TVP23B: variants seen among roughly 807,000 people sequenced by gnomAD.
TVP23B encodes trans-golgi network vesicle protein 23 homolog B.
A neutral mutation model predicts 30.6 loss-of-function variants in TVP23B; 10 were observed. That is an observed-to-expected ratio of 0.33 (90% CI 0.20 to 0.55). TVP23B has a LOEUF of 0.55. Ranked by LOEUF, TVP23B falls within the 20% of genes least tolerant of loss-of-function variation. The pLI is 0.91. For synonymous variants in TVP23B, 67 were observed against 83.1 expected (o/e 0.81, Z 1.06); for missense variants, 153 against 243.2 (o/e 0.63, Z 2.47).
Position 18,791,063 on chromosome 17 carries a change from T to A in TVP23B, c.240+23T>A, listed in dbSNP as rs779763962. On this transcript the variant is annotated intron_variant, in intron 3 of 6. Coordinates refer to ENST00000307767, the MANE Select transcript of TVP23B (RefSeq NM_016078.6). Reference sequence around the variant, plus strand: ...AAGGTAATTTTGATTGTTTTTATTTTAAAATTATATTTAATATGAAAATGA... The same window carrying A: ...AAGGTAATTTTGATTGTTTTTATTTAAAAATTATATTTAATATGAAAATGA... The A allele has an allele frequency of 4.5e-6, 7 of 1,557,206 alleles. No homozygotes were observed. In the African/African-American group the frequency reaches 8.4e-5, roughly 19 times the overall value.
At chr17:18,791,196 T>TG (rs1385393886) in intron 3 of TVP23B, among the ~76,000 whole-genome samples, 156 bp downstream of exon 3, 3 of 145,540 alleles carry the variant, frequency 2.1e-5, no homozygotes, top group Non-Finnish European at 4.5e-5. Flanking sequence ...AGTTTTTTTT[T>TG]TTTTTTTTTT....
intron 5 of TVP23B, among the ~76,000 whole-genome samples, chr17:18,801,633 ACT>A (rs1455744015): frequency 3.4e-4 from 52 of 151,424 alleles, no homozygotes; most frequent in Middle Eastern, 3.2e-3. Flanking sequence ...TTGGCTGTGC[ACT>A]CTCTTCTGGT....
chr17:18,783,376 G>C (rs1261366767), intron 1 of TVP23B, among the ~76,000 whole-genome samples: 3 of 152,172 alleles, frequency 2.0e-5, no homozygotes, highest in Non-Finnish European at 2.9e-5. Context: ...AAAGTGCTAG[G>C]ATTACAGGCG....
At chr17:18,796,882 T>C (rs1285549602) in intron 3 of TVP23B, 1 of 152,454 alleles carries the variant, frequency 6.6e-6, no homozygotes, top group Non-Finnish European at 1.5e-5. Flanking sequence ...CCTCAGAGAG[T>C]CATTTTCTGA....
chr17:18,790,763 C>G, intron 2 of TVP23B, 133 bp from the exon 3 acceptor site: 1 of 1,467,824 alleles, frequency 6.8e-7, no homozygotes, highest in South Asian at 1.3e-5. Context: ...TTTGCTTCAT[C>G]CTACTAAAGT....
intron 6 of TVP23B, among the ~76,000 whole-genome samples, chr17:18,804,878 G>A (rs1360624085): frequency 4.6e-5 from 7 of 151,958 alleles, no homozygotes; most frequent in Non-Finnish European, 1.0e-4. Flanking sequence ...GTGAGCCACC[G>A]TGCCCAGCCT....
chr17:18,794,565 A>G (rs2036046039), intron 3 of TVP23B, among the ~76,000 whole-genome samples: 1 of 152,172 alleles, frequency 6.6e-6, no homozygotes, highest in Non-Finnish European at 1.5e-5. Flanking sequence ...ATTTTAGACA[A>G]GAAAGAGGGA....
At chr17:18,794,048 A>C (rs545269908) in intron 3 of TVP23B, among the ~76,000 whole-genome samples, 1 of 152,084 alleles carries the variant, frequency 6.6e-6, no homozygotes, top group Admixed American at 6.5e-5. Flanking sequence ...GATCATTCAC[A>C]GAGTAAAATT....
chr17:18,799,623 CTT>C, intron 5 of TVP23B, among the ~76,000 whole-genome samples: 1 of 152,224 alleles, frequency 6.6e-6, no homozygotes, highest in African/African-American at 2.4e-5. Flanking sequence ...TGCTAGAAGA[CTT>C]TGTGGAAGAG....
intron 1 of TVP23B, among the ~76,000 whole-genome samples, chr17:18,786,370 T>G (rs1252022367): frequency 6.6e-6 from 1 of 151,002 alleles, no homozygotes; most frequent in African/African-American, 2.4e-5. Context: ...AGATAAGGTC[T>G]TAGAGATTGG....
At chr17:18,789,101 T>A (rs771177097) in intron 1 of TVP23B, 111 of 503,556 alleles carry the variant, frequency 2.2e-4, no homozygotes, top group South Asian at 1.5e-3. Flanking sequence ...CACCCTAGAG[T>A]TTTCTCAGAT....
intron 2 of TVP23B, among the ~76,000 whole-genome samples, chr17:18,790,654 A>G (rs1597617333): frequency 6.6e-6 from 1 of 152,262 alleles, no homozygotes; most frequent in East Asian, 1.9e-4. Context: ...GTGAAAGTTT[A>G]TATTCAATGA....
chr17:18,784,381 T>C (rs1261305468), intron 1 of TVP23B, among the ~76,000 whole-genome samples: 2 of 152,158 alleles, frequency 1.3e-5, no homozygotes, highest in Non-Finnish European at 2.9e-5. Context: ...GGTGCAGGGC[T>C]CATGGCTGTA....
At chr17:18,787,677 G>A (rs2035929268) in intron 1 of TVP23B, among the ~76,000 whole-genome samples, 1 of 152,176 alleles carries the variant, frequency 6.6e-6, no homozygotes, top group South Asian at 2.1e-4. Flanking sequence ...GCAGGAGATG[G>A]GAGAGAGATT....
chr17:18,805,077 T>C (rs1045980966), intron 6 of TVP23B, among the ~76,000 whole-genome samples: 2 of 139,700 alleles, frequency 1.4e-5, no homozygotes, highest in African/African-American at 5.2e-5. Flanking sequence ...AGTGACTAGG[T>C]CTTTTTTTTT....
chr17:18,789,327 T>G (rs2035956235), intron 1 of TVP23B, 26 bp from the exon 2 acceptor site: 1 of 1,613,980 alleles, frequency 6.2e-7, no homozygotes. Flanking sequence ...TTGTTTTGCT[T>G]CTTGACCATT....
chr17:18,791,153 G>A, intron 3 of TVP23B, 113 bp downstream of exon 3: 2 of 739,114 alleles, frequency 2.7e-6, no homozygotes, highest in Non-Finnish European at 3.8e-6. Flanking sequence ...AACCTCATCT[G>A]TGTTGAAGTG....
intron 1 of TVP23B, among the ~76,000 whole-genome samples, chr17:18,784,637 G>A (rs1256778865): frequency 1.3e-5 from 2 of 151,764 alleles, no homozygotes; most frequent in Non-Finnish European, 2.9e-5. Flanking sequence ...GCGACAGAGC[G>A]AGACTCCGTC....
At chr17:18,785,706 T>C (rs536749748) in intron 1 of TVP23B, among the ~76,000 whole-genome samples, 145 of 152,162 alleles carry the variant, frequency 9.5e-4, no homozygotes, top group Non-Finnish European at 1.8e-3. Flanking sequence ...AGACCCTATT[T>C]CTGCAAGAAA....
Sources: gnomAD v4.1 joint callset for allele counts (sites outside exome capture counted in the v4.1 genomes callset) on GRCh38, gnomAD v4.1.1 for gene constraint, MANE v1.5 for transcripts, NCBI Gene and HGNC (gene_info 2026-07-23, HGNC 2026-07-21) for gene names.